PLAC9: variants seen among roughly 807,000 people sequenced by gnomAD.
PLAC9 encodes placenta-specific protein 9.
A neutral mutation model predicts 11.5 loss-of-function variants in PLAC9; 12 were observed. The observed-to-expected ratio is 1.05, with a 90% CI of 0.67 to 1.69. The LOEUF (loss-of-function observed/expected upper bound fraction) is 1.69. Ranked by LOEUF, PLAC9 falls within the 40% of genes most tolerant of loss-of-function variation. The probability of loss-of-function intolerance (pLI) is 0.00; values close to 1 mark genes in which losing one functional copy is unlikely to be tolerated. For missense variants in PLAC9, 132 were observed against 130.5 expected, an observed-to-expected ratio of 1.01 and a Z score of -0.06; for synonymous variants, 62 against 58.1, an observed-to-expected ratio of 1.07 and a Z score of -0.31.
chr10:80,138,505 A>C (rs1845003432), intron 1 of PLAC9, among the ~76,000 whole-genome samples: 1 of 152,198 alleles, frequency 6.6e-6, no homozygotes, highest in South Asian at 2.1e-4. Context: ...TTCTCCACAA[A>C]AGATGCTCAG....
At chr10:80,132,405 C>G (rs1844922026), upstream of PLAC9, among the ~76,000 whole-genome samples, 3 of 152,164 alleles carry the variant, frequency 2.0e-5, no homozygotes, top group Non-Finnish European at 2.9e-5. Context: ...GAAACTGGCT[C>G]GTAACAAACC....
rs1019316429 is a variant in PLAC9 at position 80,144,031 on chromosome 10, CT to C, written c.163-191del. On this transcript the variant is annotated intron_variant, in intron 2 of 3. Transcript: ENST00000372263. Reference sequence around the variant, plus strand: ...GAAGGAGCCTTAGAGAGCAAGCCCCCTAGGATATTGTCATCTGGGGAAACTG... The same window carrying C: ...GAAGGAGCCTTAGAGAGCAAGCCCCCAGGATATTGTCATCTGGGGAAACTG... 3.1e-5 allele frequency: 22 copies of C among 705,224 alleles called. No individual in the cohort carries two copies. The Admixed American group carries it at 5.6e-4, about 18-fold the overall frequency. The allele number at this position is 705,224 out of a possible 1,614,324, so 43.7% of individuals were successfully genotyped here. A position where few individuals can be genotyped will look rare whatever the true frequency, so the allele number is the denominator to read the frequency against.
At chr10:80,135,321 C>CTTTT (rs139336508) in intron 1 of PLAC9, among the ~76,000 whole-genome samples, 10 of 67,338 alleles carry the variant, frequency 1.5e-4, no homozygotes, top group Non-Finnish European at 2.3e-4. Flanking sequence ...TGCGCCCGGC[C>CTTTT]TTTTTTTTTT....
At chr10:80,144,518 C>G (rs1845078886) in intron 3 of PLAC9, among the ~76,000 whole-genome samples, 175 bp downstream of exon 3, 1 of 151,846 alleles carries the variant, frequency 6.6e-6, no homozygotes, top group South Asian at 2.1e-4. Flanking sequence ...GCCCGCCCCG[C>G]CCCACCTGCC....
At chr10:80,139,204 G>A (rs1392549884) in intron 1 of PLAC9, among the ~76,000 whole-genome samples, 5 of 151,910 alleles carry the variant, frequency 3.3e-5, no homozygotes, top group Admixed American at 6.6e-5. Context: ...TGCCCGCCTC[G>A]GCCTCCCAAA....
At position 80,140,982 on chromosome 10, in the gene PLAC9, C is replaced by G. The variant is rs574233325; in HGVS notation, c.65-1100C>G. Among the ~76,000 whole-genome samples the G allele has an allele frequency of 8.5e-5, 13 of 152,308 alleles. No individual in the cohort carries two copies. In the South Asian group the frequency reaches 2.7e-3, roughly 32 times the overall value. On this transcript the variant is annotated intron_variant, in intron 1 of 3. Coordinates refer to ENST00000372263, the MANE Select transcript of PLAC9 (RefSeq NM_001012973.3). The stretch of plus-strand genomic sequence containing the variant: ...ACTTTGGACACATCCTTTCACCCTT[C>G]TGTGCATCAGTTTTCCTACGTGTAG...
intron 2 of PLAC9, among the ~76,000 whole-genome samples, chr10:80,142,602 GATA>G (rs1845053260): frequency 6.6e-6 from 1 of 152,150 alleles, no homozygotes; most frequent in African/African-American, 2.4e-5. Context: ...TAGAAATCCA[GATA>G]ATTTCATCTT....
chr10:80,142,562 G>A (rs575615801), intron 2 of PLAC9, among the ~76,000 whole-genome samples: 2 of 152,278 alleles, frequency 1.3e-5, no homozygotes, highest in African/African-American at 2.4e-5. Context: ...GCGAGCCGTG[G>A]TATTAACAGT....
chr10:80,144,163 C>T (rs940940533), intron 2 of PLAC9, 60 bp from the exon 3 acceptor site: 14 of 1,612,258 alleles, frequency 8.7e-6, no homozygotes, highest in Non-Finnish European at 3.4e-6. Context: ...TAGGACCTAG[C>T]TGATGAAGCG....
intron 1 of PLAC9, among the ~76,000 whole-genome samples, chr10:80,137,970 T>G (rs1272765090): frequency 6.6e-6 from 1 of 151,484 alleles, no homozygotes; most frequent in Non-Finnish European, 1.5e-5. Context: ...GACCTGCTCC[T>G]GCCTCTCAAG....
chr10:80,144,405 G>A (rs1845077213), intron 3 of PLAC9, 62 bp downstream of exon 3: 2 of 1,511,012 alleles, frequency 1.3e-6, no homozygotes, highest in Non-Finnish European at 1.8e-6. Flanking sequence ...CTGGGCAGGC[G>A]AGACAGGGAC....
At chr10:80,138,348 A>T (rs1359056455) in intron 1 of PLAC9, among the ~76,000 whole-genome samples, 1 of 152,114 alleles carries the variant, frequency 6.6e-6, no homozygotes, top group African/African-American at 2.4e-5. Flanking sequence ...AGGTCTTTAA[A>T]ATACTTGCAT....
At chr10:80,137,383 G>A (rs1361003474) in intron 1 of PLAC9, among the ~76,000 whole-genome samples, 1 of 152,194 alleles carries the variant, frequency 6.6e-6, no homozygotes, top group African/African-American at 2.4e-5. Flanking sequence ...GCATCCCCCT[G>A]GCCTGAGCCT....
chr10:80,133,715 C>T (rs991972012), intron 1 of PLAC9, among the ~76,000 whole-genome samples: 2 of 152,150 alleles, frequency 1.3e-5, no homozygotes, highest in Non-Finnish European at 2.9e-5. Context: ...ACCCCTCAGG[C>T]GGGCGGATCA....
chr10:80,136,873 G>A (rs185283499), intron 1 of PLAC9, among the ~76,000 whole-genome samples: 2 of 152,234 alleles, frequency 1.3e-5, no homozygotes, highest in East Asian at 1.9e-4. Context: ...TTAAGGATGC[G>A]CTACACGGGG....
intron 1 of PLAC9, among the ~76,000 whole-genome samples, chr10:80,139,767 C>A (rs1271498893): frequency 6.6e-6 from 1 of 150,480 alleles, no homozygotes; most frequent in Non-Finnish European, 1.5e-5. Context: ...AATTTTTTTT[C>A]TTTTTAGAAA....
chr10:80,139,117 A>G (rs563011792), intron 1 of PLAC9, among the ~76,000 whole-genome samples: 2 of 151,828 alleles, frequency 1.3e-5, no homozygotes, highest in South Asian at 4.2e-4. Context: ...ACGCCCGGCT[A>G]ATTTTTTTGT....
At chr10:80,137,118 A>C (rs1393615406) in intron 1 of PLAC9, among the ~76,000 whole-genome samples, 1 of 152,200 alleles carries the variant, frequency 6.6e-6, no homozygotes, top group Non-Finnish European at 1.5e-5. Context: ...CACTCTGTGG[A>C]GGCCCCGATG....
intron 1 of PLAC9, among the ~76,000 whole-genome samples, chr10:80,138,183 C>T (rs1845000816): frequency 6.6e-6 from 1 of 152,170 alleles, no homozygotes; most frequent in South Asian, 2.1e-4. Flanking sequence ...CCCATTTGCT[C>T]ATCACCCAGC....
Sources: allele counts gnomAD v4.1 joint callset (sites outside exome capture counted in the v4.1 genomes callset), GRCh38; gene constraint gnomAD v4.1.1; transcripts MANE v1.5; gene names NCBI Gene and HGNC (gene_info 2026-07-23, HGNC 2026-07-21).